NCLN: variants seen among roughly 807,000 people sequenced by gnomAD.
The protein encoded by NCLN is nicalin.
NCLN carries 34 observed loss-of-function variants against 69.5 expected under a neutral mutation model. The ratio of observed to expected loss-of-function variants is 0.49; its 90% CI spans 0.37 to 0.65. The LOEUF (loss-of-function observed/expected upper bound fraction) is 0.65. NCLN is among the 30% of genes least tolerant of loss of function. NCLN has a pLI of 0.00. For missense variants in NCLN, 710 were observed against 804.8 expected (o/e 0.88, Z 1.42); for synonymous variants, 393 against 358.3 (o/e 1.10, Z -1.09).
At chr19:3,192,726 G>A in intron 2 of NCLN, 66 bp downstream of exon 2, 1 of 1,417,194 alleles carries the variant, frequency 7.1e-7, no homozygotes. Context: ...AGGCAACTGT[G>A]TGACCCTAGG....
chr19:3,201,724 C>A, intron 6 of NCLN, 98 bp downstream of exon 6: 1 of 1,066,656 alleles, frequency 9.4e-7, no homozygotes, highest in Non-Finnish European at 1.3e-6. Flanking sequence ...TCTGGAGCCT[C>A]CTGGCCCCAA....
At chr19:3,206,929 C>T (rs114679094) in intron 12 of NCLN, among the ~76,000 whole-genome samples, 243 of 152,252 alleles carry the variant, frequency 1.6e-3, no homozygotes, top group African/African-American at 5.7e-3. Context: ...TCAAGTGATT[C>T]TCGGACCTCG....
intron 4 of NCLN, among the ~76,000 whole-genome samples, 194 bp from the exon 5 acceptor site, chr19:3,198,623 C>T (rs958754174): frequency 6.6e-6 from 1 of 152,148 alleles, no homozygotes; most frequent in South Asian, 2.1e-4. Flanking sequence ...CCCGGCTCTA[C>T]CTCCTCCCTG....
chr19:3,194,260 G>A (rs1460910800), intron 3 of NCLN, among the ~76,000 whole-genome samples: 2 of 152,218 alleles, frequency 1.3e-5, no homozygotes, highest in Non-Finnish European at 2.9e-5. Flanking sequence ...GCAGGTGCCT[G>A]TAATTCCAGC....
Position 3,190,715 on chromosome 19 carries a change from G to A in NCLN, c.185-1755G>A, listed in dbSNP as rs77775816. The stretch of plus-strand genomic sequence containing the variant: ...AGTGCTTCCTGCACGGGTCTCACAC[G>A]GGAGGCTCCGGGGCCCGCCCCCGGC... On this transcript the variant is annotated intron_variant, in intron 1 of 14. Transcript: ENST00000246117. 7.2e-3 allele frequency among the ~76,000 whole-genome samples: 1,097 copies of A among 152,324 alleles called. 12 individuals carry two copies. The highest frequency in any genetic ancestry group is 0.025 in the African/African-American group (1,054 of 41,574).
Position 3,205,968 on chromosome 19 carries a change from G to A in NCLN, c.1238G>A (p.Arg413His), listed in dbSNP as rs753150743. 1.3e-5 allele frequency: 21 copies of A among 1,613,590 alleles called. No individual in the cohort carries two copies. The Admixed American group carries it at 1.3e-4, about 10-fold the overall frequency. The change falls in exon 10 of 15, where the codon CGT (arginine) becomes CAT (histidine). Residue 413 changes from arginine (R) to histidine (H), a missense_variant. Coordinates refer to ENST00000246117, the MANE Select transcript of NCLN (RefSeq NM_020170.4). This position sits in a 1 kb window ranked among gnomAD's most constrained non-coding sequence, Gnocchi z 4.6. ...CGGGTGGATTCTAAGACCCTGACCC[G>A]TAACACGAGGATCATTGCAGAGGCC... ...RSRVDSKTLTRNTRIIAEALT... is the reference protein window; with the variant it reads ...RSRVDSKTLTHNTRIIAEALT...
intron 8 of NCLN, 78 bp downstream of exon 8, chr19:3,204,222 A>T: frequency 6.9e-7 from 1 of 1,440,556 alleles, no homozygotes; most frequent in South Asian, 1.5e-5. Context: ...ATCCTGTCCC[A>T]GGGTGTCCTT....
chr19:3,188,344 C>G (rs1239531748), intron 1 of NCLN, among the ~76,000 whole-genome samples: 1 of 152,150 alleles, frequency 6.6e-6, no homozygotes, highest in Non-Finnish European at 1.5e-5. Flanking sequence ...TCTCTCCCCG[C>G]AAGTCCGCCC....
At chr19:3,189,800 C>T (rs1239569996) in intron 1 of NCLN, among the ~76,000 whole-genome samples, 1 of 152,144 alleles carries the variant, frequency 6.6e-6, no homozygotes, top group Non-Finnish European at 1.5e-5. Context: ...GCCTTGGCCA[C>T]AGAGAGCCCT....
At chr19:3,194,523 G>A (rs530812211) in intron 3 of NCLN, among the ~76,000 whole-genome samples, 2 of 152,204 alleles carry the variant, frequency 1.3e-5, no homozygotes, top group African/African-American at 4.8e-5. Context: ...CACAGTCCAC[G>A]GTGGCTTTCC....
In NCLN at chr19:3,189,364, C is replaced by T. The variant is rs183862391; in HGVS notation, c.185-3106C>T. Among the ~76,000 whole-genome samples, 124 of 152,366 alleles carry T rather than the reference C, an allele frequency of 8.1e-4. 1 individual carries two copies. Among genetic ancestry groups the T allele is most frequent in the African/African-American group, 2.9e-3 (122 of 41,582 alleles). ...ACAGCTAACTGCAGCCTGTAGGTCA[C>T]GTCTGGCTCTCTGCCTGTTGTTGTT... On this transcript the variant is annotated intron_variant, in intron 1 of 14. Coordinates refer to ENST00000246117, the MANE Select transcript of NCLN (RefSeq NM_020170.4).
At chr19:3,195,007 C>T (rs1234829855) in intron 3 of NCLN, among the ~76,000 whole-genome samples, 1 of 151,888 alleles carries the variant, frequency 6.6e-6, no homozygotes, top group Non-Finnish European at 1.5e-5. Flanking sequence ...AGACCCTTGT[C>T]TCTACAGAAA....
At chr19:3,204,857 A>C in intron 9 of NCLN, 106 bp downstream of exon 9, 2 of 1,192,380 alleles carry the variant, frequency 1.7e-6, no homozygotes, top group Non-Finnish European at 2.2e-6. Flanking sequence ...CGGCCCCCAC[A>C]CACAGGCTGC....
At chr19:3,201,773 C>A in intron 6 of NCLN, 147 bp downstream of exon 6, 1 of 671,868 alleles carries the variant, frequency 1.5e-6, no homozygotes, top group Non-Finnish European at 2.5e-6. Context: ...CCTTATTTAT[C>A]GAGGGCTAAG....
chr19:3,196,441 C>G (rs3826932), intron 4 of NCLN, among the ~76,000 whole-genome samples, 164 bp downstream of exon 4: 19,005 of 152,182 alleles, frequency 0.12, 1,384 homozygotes, highest in Middle Eastern at 0.19. Context: ...CTGGCAGCTG[C>G]AGGAACCCAA....
chr19:3,190,785 C>A (rs958478521), intron 1 of NCLN, among the ~76,000 whole-genome samples: 6 of 152,158 alleles, frequency 3.9e-5, no homozygotes, highest in African/African-American at 1.4e-4. Context: ...GTCAGGTCTG[C>A]TTGCGGGCTT....
Position 3,205,351 on chromosome 19 carries a change from C to T in NCLN, c.1209-588C>T, listed in dbSNP as rs1413181293. 1.3e-5 allele frequency among the ~76,000 whole-genome samples: 2 copies of T among 152,360 alleles called. No homozygotes were observed. The highest frequency in any genetic ancestry group is 3.9e-4 in the East Asian group (2 of 5,190). On this transcript the variant is annotated intron_variant, in intron 9 of 14. Transcript: ENST00000246117. This position sits in a 1 kb window ranked among gnomAD's most constrained non-coding sequence, Gnocchi z 4.6. The stretch of plus-strand genomic sequence containing the variant: ...AGTCCCGGCATAGATCCTTCCCGTT[C>T]ATCCACTCTGCTCTGCGGTCACTGG...
Position 3,207,377 on chromosome 19 carries a change from TG to T in NCLN, c.1554-13del. 1 of 1,613,108 alleles carries T rather than the reference TG, an allele frequency of 6.2e-7. No individual in the cohort carries two copies. The highest frequency in any genetic ancestry group is 8.5e-7 in the Non-Finnish European group (1 of 1,179,968). ...GCACCATCCTCGACCTCAGGGACCC[TG>T]CTTTCTCCACAGAGTCAAGCCGGCC... On this transcript the variant is annotated splice_polypyrimidine_tract_variant and intron_variant, in intron 13 of 14. Transcript: ENST00000246117.
intron 8 of NCLN, 26 bp from the exon 9 acceptor site, chr19:3,204,547 T>C (rs1338100670): frequency 2.0e-6 from 3 of 1,508,764 alleles, no homozygotes; most frequent in Middle Eastern, 1.8e-4. Context: ...CCGCCTGCCC[T>C]CTGCTAATGG....
Sources: allele counts gnomAD v4.1 joint callset (sites outside exome capture counted in the v4.1 genomes callset), GRCh38; gene constraint gnomAD v4.1.1; non-coding constraint Gnocchi (gnomAD v3.1); transcripts MANE v1.5; gene names NCBI Gene and HGNC (gene_info 2026-07-23, HGNC 2026-07-21).